The following MAPK4 variants were observed in gnomAD, a reference collection of about 807,000 sequenced individuals.
MAPK4 encodes the protein mitogen-activated protein kinase 4, also known as Erk3-related.
In MAPK4, 22 loss-of-function variants were observed where a neutral mutation model predicts 47.7. The ratio of observed to expected loss-of-function variants is 0.46; its 90% CI spans 0.33 to 0.66. MAPK4 has a LOEUF of 0.66. Among genes scored for constraint, MAPK4 ranks in the 30% least tolerant of loss-of-function variants. MAPK4 has a pLI of 0.02. For missense variants in MAPK4, 736 were observed against 831.7 expected, an observed-to-expected ratio of 0.88 and a Z score of 1.42; for synonymous variants, 390 against 365.7, an observed-to-expected ratio of 1.07 and a Z score of -0.76.
intron 1 of MAPK4, among the ~76,000 whole-genome samples, chr18:50,588,340 C>G (rs2042406267): frequency 6.6e-6 from 1 of 152,104 alleles, no homozygotes; most frequent in Non-Finnish European, 1.5e-5. Flanking sequence ...CTCTCTGTGT[C>G]TAGCTTGGGC....
At chr18:50,567,091 T>C (rs1428585200) in intron 1 of MAPK4, among the ~76,000 whole-genome samples, 3 of 152,202 alleles carry the variant, frequency 2.0e-5, no homozygotes, top group Non-Finnish European at 4.4e-5. Context: ...CAGAGTTTTA[T>C]TGATGCTTTT....
intron 1 of MAPK4, among the ~76,000 whole-genome samples, chr18:50,581,304 C>T (rs563078844): frequency 6.6e-6 from 1 of 152,288 alleles, no homozygotes; most frequent in Admixed American, 6.5e-5. Context: ...TGGTGAGGGC[C>T]ACAGACATCT....
At chr18:50,625,655 C>T (rs974483360) in intron 1 of MAPK4, among the ~76,000 whole-genome samples, 8 of 151,862 alleles carry the variant, frequency 5.3e-5, no homozygotes, top group Admixed American at 1.3e-4. Flanking sequence ...ATTGTAGACT[C>T]GGGGTAGCAC....
At position 50,729,202 on chromosome 18, in the gene MAPK4, G is replaced by C. The variant is rs3752089; in HGVS notation, c.1112G>C (p.Arg371Pro). ...TCGGACCTGGAGTGGCGGCCTGACC[G>C]GTGCCAGGACGCCAGCGAGGTACAG... is the stretch of plus-strand genomic sequence containing the variant. The part of the protein sequence containing the change: ...LSSDLEWRPD[R>P]CQDASEVQRD... Residue 371 changes from arginine (R) to proline (P), a missense_variant, in exon 6 of 6, where the codon CGG becomes CCG. Transcript: ENST00000400384. 179 of 1,595,608 alleles carry C rather than the reference G, an allele frequency of 1.1e-4. 1 individual carries two copies. The East Asian group carries it at 3.7e-3, about 33-fold the overall frequency.
chr18:50,673,848 TC>T (rs1464101482), intron 2 of MAPK4, among the ~76,000 whole-genome samples: 1 of 152,142 alleles, frequency 6.6e-6, no homozygotes, highest in African/African-American at 2.4e-5. Context: ...GCAGCAAGAC[TC>T]CGTCTCAAAA....
intron 1 of MAPK4, among the ~76,000 whole-genome samples, chr18:50,627,036 C>G (rs1168821275): frequency 1.5e-5 from 2 of 134,608 alleles, no homozygotes; most frequent in African/African-American, 5.7e-5. Flanking sequence ...CATTTTTGTC[C>G]CCCCTACCAC....
chr18:50,632,971 C>T (rs116269866), intron 1 of MAPK4, among the ~76,000 whole-genome samples: 2,826 of 151,236 alleles, frequency 0.019, 76 homozygotes, highest in African/African-American at 0.066. Flanking sequence ...TATAAAAACA[C>T]AATGCTATTT....
intron 1 of MAPK4, among the ~76,000 whole-genome samples, chr18:50,567,617 A>G (rs1033205076): frequency 6.6e-6 from 1 of 152,234 alleles, no homozygotes; most frequent in African/African-American, 2.4e-5. Flanking sequence ...CATTGATAAC[A>G]TACTTGTTTT....
At chr18:50,641,266 A>C (rs796185698) in intron 1 of MAPK4, among the ~76,000 whole-genome samples, 19 of 152,242 alleles carry the variant, frequency 1.2e-4, no homozygotes, top group African/African-American at 4.1e-4. Flanking sequence ...CCTGTCACTA[A>C]ATCCTGATGG....
chr18:50,679,379 A>G (rs1908453119), intron 2 of MAPK4, among the ~76,000 whole-genome samples: 1 of 152,184 alleles, frequency 6.6e-6, no homozygotes, highest in South Asian at 2.1e-4. Flanking sequence ...TGATCAGCCA[A>G]TGGCTTCTGT....
intron 2 of MAPK4, among the ~76,000 whole-genome samples, chr18:50,699,330 G>A (rs889382875): frequency 9.9e-5 from 15 of 152,052 alleles, no homozygotes; most frequent in African/African-American, 3.1e-4. Flanking sequence ...TTAAAACCAG[G>A]AACACATAAA....
At chr18:50,688,987 G>A (rs1160567426) in intron 2 of MAPK4, among the ~76,000 whole-genome samples, 5 of 152,224 alleles carry the variant, frequency 3.3e-5, no homozygotes, top group Admixed American at 6.5e-5. Flanking sequence ...GGCCTGGTGC[G>A]GTGGCTCACG....
chr18:50,679,336 G>T (rs986739856), intron 2 of MAPK4, among the ~76,000 whole-genome samples: 2 of 152,166 alleles, frequency 1.3e-5, no homozygotes, highest in African/African-American at 4.8e-5. Flanking sequence ...TAACCAATTT[G>T]CAAATGCTCT....
intron 1 of MAPK4, among the ~76,000 whole-genome samples, chr18:50,629,172 T>C (rs1247222125): frequency 2.0e-5 from 3 of 152,206 alleles, no homozygotes; most frequent in African/African-American, 7.2e-5. Flanking sequence ...TGAAATGCAG[T>C]GTATTCAGGC....
intron 2 of MAPK4, among the ~76,000 whole-genome samples, chr18:50,689,692 C>A (rs1909103271): frequency 6.6e-6 from 1 of 152,200 alleles, no homozygotes; most frequent in South Asian, 2.1e-4. Context: ...TCAAGACCAG[C>A]CTCGGTTGGG....
chr18:50,696,097 TAAA>T (rs111403643), intron 2 of MAPK4, among the ~76,000 whole-genome samples: 2 of 127,770 alleles, frequency 1.6e-5, no homozygotes, highest in Non-Finnish European at 1.7e-5. Flanking sequence ...CTCCCCTGAT[TAAA>T]AAAAAAAAAA....
At chr18:50,603,908 T>C (rs577089437) in intron 1 of MAPK4, among the ~76,000 whole-genome samples, 11 of 152,320 alleles carry the variant, frequency 7.2e-5, no homozygotes, top group African/African-American at 2.4e-4. Context: ...CCTTTACTCA[T>C]TGGGGCCTTT....
At chr18:50,727,288 G>T (rs960307454) in intron 5 of MAPK4, among the ~76,000 whole-genome samples, 1 of 152,184 alleles carries the variant, frequency 6.6e-6, no homozygotes, top group African/African-American at 2.4e-5. Flanking sequence ...GACTCCGAGG[G>T]GGCCTAACTG....
chr18:50,593,777 C>A (rs1459989896), intron 1 of MAPK4, among the ~76,000 whole-genome samples: 3 of 152,016 alleles, frequency 2.0e-5, no homozygotes, highest in African/African-American at 7.3e-5. Flanking sequence ...AACAATATTG[C>A]AAAAGAAAAA....
Sources: allele counts gnomAD v4.1 joint callset (sites outside exome capture counted in the v4.1 genomes callset), GRCh38; gene constraint gnomAD v4.1.1; transcripts MANE v1.5; gene names NCBI Gene and HGNC (gene_info 2026-07-23, HGNC 2026-07-21).